NCAM2: variants seen among roughly 807,000 people sequenced by gnomAD.
NCAM2 encodes neural cell adhesion molecule 2.
NCAM2 carries 30 observed loss-of-function variants against 98.1 expected under a neutral mutation model. The ratio of observed to expected loss-of-function variants is 0.31; its 90% CI spans 0.23 to 0.41. The LOEUF is 0.41. Ranked by LOEUF, NCAM2 falls within the 10% of genes least tolerant of loss-of-function variation. The pLI is 1.00. For missense variants in NCAM2, 867 were observed against 1,005.8 expected, an observed-to-expected ratio of 0.86 and a Z score of 1.87; for synonymous variants, 368 against 342.4, an observed-to-expected ratio of 1.07 and a Z score of -0.83.
At chr21:21,450,598 G>A (rs765043734) in intron 12 of NCAM2, among the ~76,000 whole-genome samples, 9 of 151,878 alleles carry the variant, frequency 5.9e-5, no homozygotes, top group Admixed American at 1.3e-4. Flanking sequence ...CCAAATCACC[G>A]GGATTATAGG....
At chr21:21,319,872 G>A (rs1221091275) in intron 5 of NCAM2, among the ~76,000 whole-genome samples, 1 of 152,110 alleles carries the variant, frequency 6.6e-6, no homozygotes, top group Admixed American at 6.5e-5. Context: ...TTTTGTACTT[G>A]CTGTCTAAGG....
At chr21:21,240,570 C>A (rs188075441) in intron 1 of NCAM2, among the ~76,000 whole-genome samples, 6 of 152,274 alleles carry the variant, frequency 3.9e-5, no homozygotes, top group Non-Finnish European at 7.4e-5. Context: ...TCATTAATTA[C>A]CCACGTTGTC....
At chr21:21,154,179 A>T (rs2067538947) in intron 1 of NCAM2, among the ~76,000 whole-genome samples, 1 of 151,924 alleles carries the variant, frequency 6.6e-6, no homozygotes. Context: ...AGAAACAATC[A>T]GCCAAATCCA....
At chr21:21,180,368 A>G (rs1011219002) in intron 1 of NCAM2, among the ~76,000 whole-genome samples, 3 of 152,234 alleles carry the variant, frequency 2.0e-5, no homozygotes, top group Middle Eastern at 3.4e-3. Context: ...AGTTCCTTAT[A>G]TATTTTGATT....
intron 1 of NCAM2, among the ~76,000 whole-genome samples, chr21:21,010,023 C>T (rs995543566): frequency 1.3e-5 from 2 of 151,574 alleles, no homozygotes; most frequent in East Asian, 3.9e-4. Context: ...TCTTTATCAC[C>T]TATTTATCTG....
At chr21:21,160,727 A>G (rs904808505) in intron 1 of NCAM2, among the ~76,000 whole-genome samples, 8 of 152,040 alleles carry the variant, frequency 5.3e-5, no homozygotes, top group African/African-American at 1.9e-4. Flanking sequence ...TTTCTAGGAC[A>G]TTGTATAAAA....
chr21:21,291,947 C>A (rs2073313116), intron 4 of NCAM2, among the ~76,000 whole-genome samples, 157 bp from the exon 5 acceptor site: 1 of 150,540 alleles, frequency 6.6e-6, no homozygotes, highest in Non-Finnish European at 1.5e-5. Flanking sequence ...AAATTGAAGT[C>A]ATGAAATTAC....
At chr21:21,052,792 C>G (rs924360862) in intron 1 of NCAM2, among the ~76,000 whole-genome samples, 1 of 152,056 alleles carries the variant, frequency 6.6e-6, no homozygotes, top group Non-Finnish European at 1.5e-5. Context: ...TCAATTATTG[C>G]GTAGTACCTA....
chr21:21,104,542 G>A (rs1193510818), intron 1 of NCAM2, among the ~76,000 whole-genome samples: 1 of 151,630 alleles, frequency 6.6e-6, no homozygotes, highest in Non-Finnish European at 1.5e-5. Context: ...TAGTAAAGAA[G>A]AGAGAATGAG....
chr21:21,331,515 C>CTATATATATA (rs1240961448), intron 6 of NCAM2, among the ~76,000 whole-genome samples: 1 of 4,786 alleles, frequency 2.1e-4, no homozygotes, highest in African/African-American at 5.9e-4. Context: ...TACTCTCTCT[C>CTATATATATA]TCTATATATA....
chr21:21,117,719 T>G (rs1252024801), intron 1 of NCAM2, among the ~76,000 whole-genome samples: 1 of 152,200 alleles, frequency 6.6e-6, no homozygotes, highest in African/African-American at 2.4e-5. Flanking sequence ...TTATTGGACC[T>G]AGTCTTTTTT....
chr21:21,372,209 T>A (rs1568990552), intron 8 of NCAM2, among the ~76,000 whole-genome samples: 1 of 151,850 alleles, frequency 6.6e-6, no homozygotes, highest in African/African-American at 2.4e-5. Flanking sequence ...ATCACATGGA[T>A]ATTTGATTAA....
chr21:21,147,188 T>C (rs1253584674), intron 1 of NCAM2: 3 of 985,402 alleles, frequency 3.0e-6, no homozygotes, highest in East Asian at 1.1e-4. Flanking sequence ...CGCTGCCTTC[T>C]ACTTCAGCAC....
At chr21:21,295,135 T>C (rs1286872560) in intron 5 of NCAM2, among the ~76,000 whole-genome samples, 1 of 151,838 alleles carries the variant, frequency 6.6e-6, no homozygotes, top group Non-Finnish European at 1.5e-5. Flanking sequence ...AAATGTTTTT[T>C]CACATGCAGC....
At chr21:21,096,649 C>G (rs1018120837) in intron 1 of NCAM2, among the ~76,000 whole-genome samples, 2 of 151,518 alleles carry the variant, frequency 1.3e-5, no homozygotes, top group Non-Finnish European at 3.0e-5. Flanking sequence ...ATGCCTTGTT[C>G]GATGGTTATG....
chr21:21,537,905 T>C lies in NCAM2; in HGVS notation c.2462T>C (p.Ile821Thr). The C allele has an allele frequency of 6.3e-7, 1 of 1,582,428 alleles. No individual in the cohort carries two copies. The highest frequency in any genetic ancestry group is 8.6e-7 in the Non-Finnish European group (1 of 1,165,508). Residue 821 changes from isoleucine (I) to threonine (T), a missense_variant, in exon 18 of 18, where the codon ATT (isoleucine) becomes ACT (threonine). Transcript: ENST00000400546. ...KEALNPETIE[I>T]KVSNDIIQSK... Reference sequence around the variant, plus strand: ...GCTCTAAATCCAGAAACTATAGAAATTAAAGTTTCTAACGACATCATTCAA... The same window carrying C: ...GCTCTAAATCCAGAAACTATAGAAACTAAAGTTTCTAACGACATCATTCAA...
At chr21:21,215,576 A>G (rs2069860554) in intron 1 of NCAM2, among the ~76,000 whole-genome samples, 1 of 152,026 alleles carries the variant, frequency 6.6e-6, no homozygotes, top group East Asian at 1.9e-4. Context: ...AACAAAAACA[A>G]AATTAGCCGG....
chr21:21,288,063 T>A (rs1195136294), intron 4 of NCAM2, among the ~76,000 whole-genome samples: 1 of 151,614 alleles, frequency 6.6e-6, no homozygotes, highest in Non-Finnish European at 1.5e-5. Context: ...TAGTATTTGG[T>A]ATAACCTATG....
chr21:21,487,934 C>T (rs533664896), intron 15 of NCAM2, among the ~76,000 whole-genome samples: 31 of 152,052 alleles, frequency 2.0e-4, no homozygotes, highest in African/African-American at 5.8e-4. Context: ...GTCATTAGGA[C>T]GGACTAAGTT....
Sources: gnomAD v4.1 joint callset for allele counts (sites outside exome capture counted in the v4.1 genomes callset) on GRCh38, gnomAD v4.1.1 for gene constraint, MANE v1.5 for transcripts, NCBI Gene and HGNC (gene_info 2026-07-23, HGNC 2026-07-21) for gene names.